The following EFCAB5 variants were observed in gnomAD, a reference collection of about 807,000 sequenced individuals.
The protein encoded by EFCAB5 is EF-hand calcium binding domain 5.
A neutral mutation model predicts 167.9 loss-of-function variants in EFCAB5; 131 were observed. The observed-to-expected ratio is 0.78, with a 90% confidence interval of 0.68 to 0.90. The LOEUF (loss-of-function observed/expected upper bound fraction) is 0.90. Ranked by LOEUF, EFCAB5 falls within the 40% of genes least tolerant of loss-of-function variation. The probability of loss-of-function intolerance (pLI) is 0.00; values close to 1 mark genes in which losing one functional copy is unlikely to be tolerated. For missense variants in EFCAB5, 1,663 were observed against 1,745.2 expected (o/e 0.95, Z 0.84); for synonymous variants, 574 against 602.8 (o/e 0.95, Z 0.70).
chr17:30,063,481 C>T (rs1339773770), intron 14 of EFCAB5, among the ~76,000 whole-genome samples: 4 of 152,268 alleles, frequency 2.6e-5, no homozygotes, highest in Middle Eastern at 6.8e-3. Flanking sequence ...TGTGCCCTGC[C>T]CCCCAGGGGT....
intron 7 of EFCAB5, among the ~76,000 whole-genome samples, chr17:30,029,350 C>CA (rs1340312625): frequency 6.6e-6 from 1 of 152,122 alleles, no homozygotes; most frequent in Non-Finnish European, 1.5e-5. Flanking sequence ...CCTACAGTCG[C>CA]AAAATCATCT....
intron 3 of EFCAB5, among the ~76,000 whole-genome samples, chr17:29,948,509 CTAAA>C (rs1232442447): frequency 6.6e-6 from 1 of 152,038 alleles, no homozygotes; most frequent in Non-Finnish European, 1.5e-5. Flanking sequence ...ACTTTTTACT[CTAAA>C]TCCCTCATTT....
chr17:29,967,797 C>T (rs927764447), intron 3 of EFCAB5, among the ~76,000 whole-genome samples: 5 of 151,486 alleles, frequency 3.3e-5, no homozygotes, highest in Non-Finnish European at 7.4e-5. Flanking sequence ...AAAATGAAGA[C>T]ATAAAGGAAG....
chr17:29,986,949 G>A (rs2068300727), intron 4 of EFCAB5, among the ~76,000 whole-genome samples: 2 of 152,026 alleles, frequency 1.3e-5, no homozygotes, highest in South Asian at 4.1e-4. Context: ...GCCCGGCCGA[G>A]TATATTCATT....
intron 7 of EFCAB5, among the ~76,000 whole-genome samples, chr17:30,020,831 G>A (rs529893562): frequency 5.9e-5 from 9 of 152,294 alleles, no homozygotes; most frequent in African/African-American, 2.2e-4. Flanking sequence ...CTCTGAACCA[G>A]TGCAATTAAA....
chr17:29,936,691 T>C (rs116445649), upstream of EFCAB5, among the ~76,000 whole-genome samples: 1,191 of 152,280 alleles, frequency 7.8e-3, 24 homozygotes, highest in African/African-American at 0.027. Flanking sequence ...GATAGGGAAA[T>C]TGATGCCAGA....
chr17:29,967,888 CTTTTTTTTT>C (rs35474839), intron 3 of EFCAB5, among the ~76,000 whole-genome samples: 4 of 134,856 alleles, frequency 3.0e-5, no homozygotes, highest in African/African-American at 8.2e-5. Flanking sequence ...ATTTCCTCAC[CTTTTTTTTT>C]TTTTTTTTTG....
At chr17:29,943,421 A>G (rs1597555656) in intron 2 of EFCAB5, 144 bp from the exon 3 acceptor site, 4 of 564,920 alleles carry the variant, frequency 7.1e-6, no homozygotes, top group East Asian at 7.2e-5. Context: ...TCTAATATAC[A>G]GCATTAGATC....
intron 14 of EFCAB5, 49 bp from the exon 15 acceptor site, chr17:30,078,166 A>G: frequency 6.5e-7 from 1 of 1,542,092 alleles, no homozygotes; most frequent in Non-Finnish European, 8.7e-7. Flanking sequence ...CCCCCCCACC[A>G]ATGAGTGAAC....
chr17:30,067,844 G>T (rs1256620476), intron 14 of EFCAB5, among the ~76,000 whole-genome samples: 1 of 152,158 alleles, frequency 6.6e-6, no homozygotes, highest in African/African-American at 2.4e-5. Context: ...AGAGCAGTTA[G>T]GAAAGAGACA....
intron 4 of EFCAB5, among the ~76,000 whole-genome samples, chr17:29,969,663 C>T (rs1417432005): frequency 6.6e-6 from 1 of 152,022 alleles, no homozygotes; most frequent in Non-Finnish European, 1.5e-5. Context: ...AAAGTTGGAA[C>T]TTTTTAAAAA....
At chr17:30,089,487 T>C (rs1456751742) in intron 19 of EFCAB5, among the ~76,000 whole-genome samples, 1 of 151,956 alleles carries the variant, frequency 6.6e-6, no homozygotes, top group Non-Finnish European at 1.5e-5. Context: ...TTAATGTAGA[T>C]GGGGAAAGGG....
At chr17:30,061,216 C>G (rs1000166561) in intron 14 of EFCAB5, among the ~76,000 whole-genome samples, 1 of 152,176 alleles carries the variant, frequency 6.6e-6, no homozygotes, top group African/African-American at 2.4e-5. Context: ...TCTCCAAGGG[C>G]AGGCTTATAC....
At chr17:29,945,555 A>G (rs1419859405) in intron 3 of EFCAB5, among the ~76,000 whole-genome samples, 1 of 151,780 alleles carries the variant, frequency 6.6e-6, no homozygotes, top group Admixed American at 6.6e-5. Context: ...CTAAAAAACA[A>G]TTTTTTTTAA....
chr17:30,018,261 A>G (rs1388517596), intron 7 of EFCAB5, among the ~76,000 whole-genome samples: 1 of 150,956 alleles, frequency 6.6e-6, no homozygotes, highest in Admixed American at 6.6e-5. Context: ...GCATTGTTCT[A>G]TGTTCTGTTA....
chr17:29,962,724 A>C (rs1456890687), intron 3 of EFCAB5, among the ~76,000 whole-genome samples: 1 of 140,236 alleles, frequency 7.1e-6, no homozygotes, highest in Non-Finnish European at 1.5e-5. Flanking sequence ...GATTCTTTCT[A>C]TATATAGGAT....
rs762680574 is a variant in EFCAB5 at position 29,941,730 on chromosome 17, T to C, written c.-67T>C. On this transcript the variant is annotated 5_prime_UTR_variant, in exon 1 of 23. Transcript: ENST00000394835. ...GTGATGTTTATTAATATTTTCTTTC[T>C]TTTTGTTATTAATACTGGTCTAGTA... 2 of 1,397,532 alleles carry C rather than the reference T, an allele frequency of 1.4e-6. No individual in the cohort carries two copies. Among genetic ancestry groups the C allele is most frequent in the African/African-American group, 1.5e-5 (1 of 68,486 alleles). 86.6% of individuals were successfully genotyped at this position (1,397,532 alleles called of 1,614,324 possible).
intron 4 of EFCAB5, among the ~76,000 whole-genome samples, chr17:29,983,361 C>G (rs184347651): frequency 9.3e-4 from 142 of 152,298 alleles, no homozygotes; most frequent in Middle Eastern, 3.4e-3. Flanking sequence ...CCCCAGTGTT[C>G]AAGTACTTTT....
intron 7 of EFCAB5, among the ~76,000 whole-genome samples, chr17:30,023,711 G>C (rs899501222): frequency 6.6e-6 from 1 of 151,904 alleles, no homozygotes. Flanking sequence ...TACCAAAGCC[G>C]GGCAGAGACA....
Sources: allele counts gnomAD v4.1 joint callset (sites outside exome capture counted in the v4.1 genomes callset), GRCh38; gene constraint gnomAD v4.1.1; transcripts MANE v1.5; gene names NCBI Gene and HGNC (gene_info 2026-07-23, HGNC 2026-07-21).